Variants in PDE1C observed in about 807,000 individuals in gnomAD.
The protein encoded by PDE1C is dual specificity calcium/calmodulin-dependent 3',5'-cyclic nucleotide phosphodiesterase 1C.
In PDE1C, 62 loss-of-function variants were observed where a neutral mutation model predicts 93.1. The observed-to-expected ratio is 0.67, with a 90% confidence interval of 0.54 to 0.82. The LOEUF (loss-of-function observed/expected upper bound fraction) is 0.82, where lower values mean the gene tolerates loss of function less well. PDE1C is among the 40% of genes least tolerant of loss of function. The pLI is 0.00. For missense variants in PDE1C, 742 were observed against 884.6 expected, an observed-to-expected ratio of 0.84 and a Z score of 2.04; for synonymous variants, 325 against 310.1, an observed-to-expected ratio of 1.05 and a Z score of -0.50.
intron 2 of PDE1C, among the ~76,000 whole-genome samples, chr7:31,996,801 A>T (rs1784782963): frequency 6.6e-6 from 1 of 152,378 alleles, no homozygotes; most frequent in African/African-American, 2.4e-5. Context: ...ATTTTAAGAA[A>T]TATTTGAAAA....
intron 1 of PDE1C, among the ~76,000 whole-genome samples, chr7:32,255,723 C>A (rs980324999): frequency 6.6e-6 from 1 of 152,212 alleles, no homozygotes. Flanking sequence ...AGAAAGGACA[C>A]CCCAAATAGA....
chr7:31,999,986 A>G (rs1291458772), intron 2 of PDE1C, among the ~76,000 whole-genome samples: 1 of 152,152 alleles, frequency 6.6e-6, no homozygotes, highest in African/African-American at 2.4e-5. Context: ...TCAGATTACA[A>G]AAACAGTTCT....
At chr7:32,298,621 A>C (rs371269516) in intron 1 of PDE1C, 2 of 1,579,736 alleles carry the variant, frequency 1.3e-6, no homozygotes. Context: ...TGCCCGAGCC[A>C]GGAGTCCGAG....
At chr7:32,354,847 C>T (rs1241427260) in intron 1 of PDE1C, among the ~76,000 whole-genome samples, 1 of 152,244 alleles carries the variant, frequency 6.6e-6, no homozygotes, top group Non-Finnish European at 1.5e-5. Context: ...CACTTGCTAT[C>T]CCTGGGCCAG....
At chr7:32,399,600 T>TTTTTTTGG (rs61586617) in intron 1 of PDE1C, among the ~76,000 whole-genome samples, 1 of 150,306 alleles carries the variant, frequency 6.7e-6, no homozygotes, top group African/African-American at 2.5e-5. Flanking sequence ...TTTTTTTTTT[T>TTTTTTTGG]GAGACAGAGT....
chr7:32,147,280 G>GAAAGAAAC (rs142119138), intron 3 of PDE1C, among the ~76,000 whole-genome samples: 62 of 98,184 alleles, frequency 6.3e-4, no homozygotes, highest in African/African-American at 2.5e-3. Context: ...AAAAAAGAAA[G>GAAAGAAAC]AAAGAAAGAA....
chr7:32,158,281 G>A (rs988812015), intron 3 of PDE1C, among the ~76,000 whole-genome samples: 2 of 152,090 alleles, frequency 1.3e-5, no homozygotes, highest in Admixed American at 6.5e-5. Context: ...CTTGAGCCTC[G>A]TTGCCCGAGC....
chr7:31,800,600 T>C (rs756582812), intron 16 of PDE1C, among the ~76,000 whole-genome samples: 1 of 151,488 alleles, frequency 6.6e-6, no homozygotes, highest in African/African-American at 2.4e-5. Flanking sequence ...TGTTGGTCTG[T>C]GTTGATGCCA....
At chr7:32,390,292 T>C (rs947880989) in intron 1 of PDE1C, among the ~76,000 whole-genome samples, 5 of 152,098 alleles carry the variant, frequency 3.3e-5, no homozygotes, top group African/African-American at 7.2e-5. Context: ...TAAATTAAGA[T>C]GCATATTGTA....
At chr7:32,235,120 A>G (rs1807980149) in intron 1 of PDE1C, among the ~76,000 whole-genome samples, 1 of 152,078 alleles carries the variant, frequency 6.6e-6, no homozygotes, top group Non-Finnish European at 1.5e-5. Context: ...GATAAAGGCA[A>G]TCAACAAAAA....
At chr7:31,703,000 C>A in the PDE1C span, among the ~76,000 whole-genome samples, 10 of 152,078 alleles carry the variant, frequency 6.6e-5, no homozygotes, top group Non-Finnish European at 1.3e-4. Flanking sequence ...TAGGTTTCAT[C>A]CCTGGTTCTG....
At chr7:32,018,433 T>C (rs376306281) in intron 2 of PDE1C, among the ~76,000 whole-genome samples, 15 of 152,296 alleles carry the variant, frequency 9.8e-5, no homozygotes, top group African/African-American at 3.6e-4. Context: ...TGTCCATCAA[T>C]TGATAAATGG....
intron 1 of PDE1C, among the ~76,000 whole-genome samples, chr7:32,067,123 C>T (rs957840037): frequency 5.3e-5 from 8 of 151,236 alleles, no homozygotes; most frequent in Non-Finnish European, 1.0e-4. Flanking sequence ...TCTATAATCC[C>T]AGCTAAGATA....
chr7:32,010,683 A>G (rs901946076), intron 2 of PDE1C, among the ~76,000 whole-genome samples: 1 of 152,222 alleles, frequency 6.6e-6, no homozygotes, highest in African/African-American at 2.4e-5. Flanking sequence ...TCCAAAATCA[A>G]GGTGTCAGCA....
At chr7:31,966,213 C>T (rs1023035539) in intron 2 of PDE1C, among the ~76,000 whole-genome samples, 2 of 152,238 alleles carry the variant, frequency 1.3e-5, no homozygotes, top group Non-Finnish European at 2.9e-5. Context: ...TCAGGAAACC[C>T]ATCTCACGTG....
In PDE1C at chr7:32,229,204, C is replaced by T. The variant is rs73106555; in HGVS notation, c.86-19665G>A. Among the ~76,000 whole-genome samples the T allele has an allele frequency of 2.5e-3, 378 of 152,322 alleles. 1 individual carries two copies. The highest frequency in any genetic ancestry group is 4.3e-3 in the Non-Finnish European group (295 of 68,038). The stretch of plus-strand genomic sequence containing the variant: ...TTCCACATTATTTCTATCCTCACCA[C>T]GACCCTGTGAGGTAGGCATTACTAT... On this transcript the variant is annotated intron_variant, in intron 1 of 18. Coordinates refer to the PDE1C transcript ENST00000396193.
intron 2 of PDE1C, among the ~76,000 whole-genome samples, chr7:32,001,636 T>C (rs991816678): frequency 6.6e-6 from 1 of 151,912 alleles, no homozygotes; most frequent in Non-Finnish European, 1.5e-5. Flanking sequence ...ATTGAGGGAG[T>C]AAATGCATCC....
intron 3 of PDE1C, among the ~76,000 whole-genome samples, chr7:32,093,052 C>A (rs1403021106): frequency 1.3e-5 from 2 of 152,160 alleles, no homozygotes; most frequent in African/African-American, 4.8e-5. Context: ...GGTTTAAATG[C>A]AAGAAAGTCT....
At chr7:31,854,576 G>C (rs748635028) in intron 7 of PDE1C, among the ~76,000 whole-genome samples, 1 of 152,118 alleles carries the variant, frequency 6.6e-6, no homozygotes, top group Admixed American at 6.5e-5. Context: ...ACTTGTTCCC[G>C]CATATAGGGG....
Sources: gnomAD v4.1 joint callset for allele counts (sites outside exome capture counted in the v4.1 genomes callset) on GRCh38, gnomAD v4.1.1 for gene constraint, MANE v1.5 for transcripts, NCBI Gene and HGNC (gene_info 2026-07-23, HGNC 2026-07-21) for gene names.